Variants in PTBP3 observed in about 807,000 individuals in gnomAD.
The protein encoded by PTBP3 is polypyrimidine tract binding protein 3.
Under a neutral mutation model 58.7 loss-of-function variants are expected in PTBP3, and 20 were observed. The observed-to-expected ratio is 0.34, with a 90% CI of 0.24 to 0.50. The LOEUF is 0.50. Ranked by LOEUF, PTBP3 falls within the 20% of genes least tolerant of loss-of-function variation. PTBP3 has a pLI of 0.98. For missense variants in PTBP3, 509 were observed against 637.2 expected, an observed-to-expected ratio of 0.80 and a Z score of 2.17; for synonymous variants, 185 against 219.8, an observed-to-expected ratio of 0.84 and a Z score of 1.40.
At chr9:112,377,362 C>T in the PTBP3 span, among the ~76,000 whole-genome samples, 4 of 152,058 alleles carry the variant, frequency 2.6e-5, no homozygotes, top group Non-Finnish European at 5.9e-5. Flanking sequence ...AAAAACAAAA[C>T]AAAACGAAAC....
chr9:112,238,107 C>T (rs765011646), intron 7 of PTBP3, among the ~76,000 whole-genome samples: 10 of 151,858 alleles, frequency 6.6e-5, no homozygotes, highest in Admixed American at 1.3e-4. Flanking sequence ...TCCCCACCCT[C>T]CCCCACAAAA....
chr9:112,286,969 C>A (rs1417799544), intron 2 of PTBP3, among the ~76,000 whole-genome samples: 1 of 152,070 alleles, frequency 6.6e-6, no homozygotes, highest in African/African-American at 2.4e-5. Flanking sequence ...AGAAATCTCT[C>A]TCCTCATTCT....
the PTBP3 span, among the ~76,000 whole-genome samples, chr9:112,369,651 G>C: frequency 6.6e-6 from 1 of 152,178 alleles, no homozygotes; most frequent in Non-Finnish European, 1.5e-5. Flanking sequence ...TCTCAGATGA[G>C]ACTTCAGACT....
Position 112,232,256 on chromosome 9 carries a change from A to C in PTBP3, c.881-18T>G, listed in dbSNP as rs368444309. 5.0e-5 allele frequency: 78 copies of C among 1,566,162 alleles called. No individual in the cohort carries two copies. The highest frequency in any genetic ancestry group is 4.0e-4 in the East Asian group (18 of 44,460). On this transcript the variant is annotated intron_variant, in intron 8 of 13. Transcript: ENST00000374257. ...TGATAGACCTTTTAAAAATACCAAA[A>C]GCATTTCATATTCTAATTATTTGAA...
At chr9:112,331,805 A>G (rs561339066) in intron 1 of PTBP3, among the ~76,000 whole-genome samples, 1 of 152,232 alleles carries the variant, frequency 6.6e-6, no homozygotes, top group Non-Finnish European at 1.5e-5. Context: ...CTTCTTAAAC[A>G]CTATCAAAAA....
At chr9:112,240,744 G>A (rs1835625050) in intron 7 of PTBP3, among the ~76,000 whole-genome samples, 2 of 151,756 alleles carry the variant, frequency 1.3e-5, no homozygotes, top group African/African-American at 2.4e-5. Flanking sequence ...GGAGATGACA[G>A]CTTCATGCAT....
chr9:112,270,443 T>G (rs1195232748), intron 3 of PTBP3, among the ~76,000 whole-genome samples: 1 of 152,044 alleles, frequency 6.6e-6, no homozygotes, highest in African/African-American at 2.4e-5. Context: ...CAGAAAAGAG[T>G]GCTATTTGGG....
intron 1 of PTBP3, among the ~76,000 whole-genome samples, chr9:112,328,113 A>C (rs1348618703): frequency 6.6e-6 from 1 of 152,226 alleles, no homozygotes; most frequent in Non-Finnish European, 1.5e-5. Context: ...AATCCAGGGA[A>C]GCAACTTATG....
chr9:112,228,171 T>C (rs150470156), intron 11 of PTBP3, among the ~76,000 whole-genome samples: 12 of 152,302 alleles, frequency 7.9e-5, no homozygotes, highest in Admixed American at 7.8e-4. Flanking sequence ...TAACAATATG[T>C]TCACGTAGAC....
chr9:112,257,500 C>T (rs1359637709), intron 5 of PTBP3, among the ~76,000 whole-genome samples: 2 of 152,056 alleles, frequency 1.3e-5, no homozygotes, highest in African/African-American at 4.8e-5. Flanking sequence ...TATATACCTC[C>T]TGTGTATTTT....
intron 2 of PTBP3, among the ~76,000 whole-genome samples, chr9:112,284,461 C>T (rs371639818): frequency 1.3e-5 from 2 of 152,238 alleles, no homozygotes; most frequent in South Asian, 4.2e-4. Context: ...TTGGGGAAGC[C>T]GAGGCAGGCA....
At chr9:112,301,568 A>G (rs955586217) in intron 1 of PTBP3, among the ~76,000 whole-genome samples, 14 of 152,240 alleles carry the variant, frequency 9.2e-5, no homozygotes, top group Non-Finnish European at 8.8e-5. Context: ...ATAGAGATGG[A>G]AAACAGATTA....
intron 2 of PTBP3, among the ~76,000 whole-genome samples, chr9:112,279,975 T>C (rs1369045663): frequency 1.3e-5 from 2 of 152,230 alleles, no homozygotes; most frequent in Non-Finnish European, 2.9e-5. Context: ...GACTTTGATA[T>C]CTTGATCTTA....
chr9:112,237,518 A>G (rs1385566494), intron 7 of PTBP3, among the ~76,000 whole-genome samples: 2 of 152,216 alleles, frequency 1.3e-5, no homozygotes, highest in East Asian at 3.8e-4. Context: ...AAACAAGCTT[A>G]ATGTCTAAAT....
rs934950234 is a variant in PTBP3, at chr9:112,333,612, A to C, written c.-194T>G. 2 of 1,059,444 alleles carry C rather than the reference A, an allele frequency of 1.9e-6. No homozygotes were observed. The highest frequency in any genetic ancestry group is 2.8e-6 in the Non-Finnish European group (2 of 723,494). The allele number at this position is 1,059,444 out of a possible 1,614,324, so 65.6% of individuals were successfully genotyped here. On this transcript the variant is annotated 5_prime_UTR_variant, in exon 1 of 14. Coordinates refer to ENST00000374257, the MANE Select transcript of PTBP3 (RefSeq NM_001163788.4). Reference sequence around the variant, plus strand: ...GGAGCCCCGGCCGGTCCGAGGTGGAAGGAGAGTGGGAACAGGGGCGGGGAC... The same window carrying C: ...GGAGCCCCGGCCGGTCCGAGGTGGACGGAGAGTGGGAACAGGGGCGGGGAC...
chr9:112,353,366 T>C, the PTBP3 span, among the ~76,000 whole-genome samples: 2 of 144,938 alleles, frequency 1.4e-5, no homozygotes, highest in Non-Finnish European at 2.9e-5. Flanking sequence ...GAGACAGCTG[T>C]GAGTAAGGTA....
the PTBP3 span, among the ~76,000 whole-genome samples, chr9:112,363,487 A>C: frequency 6.7e-6 from 1 of 149,802 alleles, no homozygotes; most frequent in East Asian, 2.0e-4. Flanking sequence ...ACACCAATGC[A>C]CCTCAGCCTG....
At chr9:112,327,065 T>TA (rs1327544676) in intron 1 of PTBP3, among the ~76,000 whole-genome samples, 7 of 151,300 alleles carry the variant, frequency 4.6e-5, no homozygotes, top group African/African-American at 9.7e-5. Context: ...CAAAAAAACT[T>TA]AAACATTAGC....
At chr9:112,292,746 C>A (rs1422786092) in intron 2 of PTBP3, among the ~76,000 whole-genome samples, 1 of 152,112 alleles carries the variant, frequency 6.6e-6, no homozygotes, top group Non-Finnish European at 1.5e-5. Context: ...AAACAGAAAG[C>A]AGAATGGGCT....
Sources: allele counts gnomAD v4.1 joint callset (sites outside exome capture counted in the v4.1 genomes callset), GRCh38; gene constraint gnomAD v4.1.1; transcripts MANE v1.5; gene names NCBI Gene and HGNC (gene_info 2026-07-23, HGNC 2026-07-21).